The following GLIS3 variants were observed in gnomAD, a reference collection of about 807,000 sequenced individuals.
GLIS3 encodes the protein zinc finger protein GLIS3.
GLIS3 carries 53 observed loss-of-function variants against 78.6 expected under a neutral mutation model. That is an observed-to-expected ratio of 0.67 (90% CI 0.54 to 0.85). The LOEUF (loss-of-function observed/expected upper bound fraction) is 0.85. Among genes scored for constraint, GLIS3 ranks in the 40% least tolerant of loss-of-function variants. The pLI, the probability that GLIS3 is intolerant of heterozygous loss-of-function variation, is 0.00. For missense variants in GLIS3, 1,703 were observed against 1,231.1 expected, an observed-to-expected ratio of 1.38 and a Z score of -5.74; for synonymous variants, 684 against 509.9, an observed-to-expected ratio of 1.34 and a Z score of -4.60.
intron 2 of GLIS3, among the ~76,000 whole-genome samples, chr9:4,180,097 T>C (rs1326492877): frequency 6.6e-6 from 1 of 152,070 alleles, no homozygotes; most frequent in South Asian, 2.1e-4. Context: ...TGGTTACCTA[T>C]GTCAAGGCTG....
chr9:4,333,352 A>AGGAAGGAAGGAAAAAG (rs1196190372), intron 2 of GLIS3, among the ~76,000 whole-genome samples: 1 of 151,988 alleles, frequency 6.6e-6, no homozygotes, highest in Non-Finnish European at 1.5e-5. Flanking sequence ...AAAAAAGGGA[A>AGGAAGGAAGGAAAAAG]GGAAGGAAGG....
At chr9:4,314,406 C>T (rs139360227) in intron 2 of GLIS3, among the ~76,000 whole-genome samples, 32 of 152,250 alleles carry the variant, frequency 2.1e-4, no homozygotes, top group African/African-American at 7.2e-4. Flanking sequence ...TTCCCCACTC[C>T]ATGCAAAAAA....
intron 9 of GLIS3, among the ~76,000 whole-genome samples, chr9:3,849,459 G>A (rs1206785291): frequency 6.6e-6 from 1 of 152,164 alleles, no homozygotes; most frequent in African/African-American, 2.4e-5. Flanking sequence ...CTGAAACTGG[G>A]ACAAGATGTG....
chr9:4,239,750 A>T (rs1823116194), intron 2 of GLIS3, among the ~76,000 whole-genome samples: 1 of 152,228 alleles, frequency 6.6e-6, no homozygotes, highest in Non-Finnish European at 1.5e-5. Context: ...ATTTAAAAAG[A>T]CCAACAGCTG....
intron 2 of GLIS3, among the ~76,000 whole-genome samples, chr9:4,251,437 T>C (rs949629231): frequency 2.0e-5 from 3 of 151,694 alleles, no homozygotes; most frequent in African/African-American, 7.3e-5. Context: ...ATCTTTTTTT[T>C]TTTTTTTTGC....
chr9:4,180,220 G>A (rs1427360059), intron 2 of GLIS3, among the ~76,000 whole-genome samples: 2 of 152,084 alleles, frequency 1.3e-5, no homozygotes, highest in Non-Finnish European at 2.9e-5. Context: ...AGAGACTTGG[G>A]AACAAAGAGT....
At chr9:4,281,907 C>T (rs1357709358) in intron 2 of GLIS3, among the ~76,000 whole-genome samples, 1 of 152,160 alleles carries the variant, frequency 6.6e-6, no homozygotes, top group Non-Finnish European at 1.5e-5. Flanking sequence ...CCCTGTGACT[C>T]CCAAAGTTCA....
chr9:4,461,856 T>C, the GLIS3 span, among the ~76,000 whole-genome samples: 5 of 152,318 alleles, frequency 3.3e-5, no homozygotes, highest in Non-Finnish European at 5.9e-5. Context: ...AAGTTTGTTG[T>C]CGTCAAGCTC....
At chr9:4,462,834 T>C in the GLIS3 span, among the ~76,000 whole-genome samples, 3 of 152,174 alleles carry the variant, frequency 2.0e-5, no homozygotes, top group Non-Finnish European at 4.4e-5. Context: ...GAAGAAAAAG[T>C]CTGGTCCTTC....
At chr9:4,200,868 G>A (rs1475356167) in intron 2 of GLIS3, among the ~76,000 whole-genome samples, 1 of 151,944 alleles carries the variant, frequency 6.6e-6, no homozygotes, top group Non-Finnish European at 1.5e-5. Context: ...ACCAAAACCT[G>A]GAAAAAACAC....
chr9:3,876,074 C>T (rs1471510937), intron 8 of GLIS3, among the ~76,000 whole-genome samples: 1 of 152,116 alleles, frequency 6.6e-6, no homozygotes, highest in East Asian at 1.9e-4. Flanking sequence ...CCTAATTCCC[C>T]ATAAGGTGCA....
chr9:4,365,239 A>C, the GLIS3 span, among the ~76,000 whole-genome samples: 2 of 152,218 alleles, frequency 1.3e-5, no homozygotes, highest in African/African-American at 4.8e-5. Flanking sequence ...GCATGGCGTA[A>C]GATATGAGAA....
intron 2 of GLIS3, among the ~76,000 whole-genome samples, chr9:4,251,056 G>A (rs1230336816): frequency 6.6e-6 from 1 of 152,212 alleles, no homozygotes; most frequent in Non-Finnish European, 1.5e-5. Flanking sequence ...TAAATGTGAT[G>A]TGGTGCTGAG....
intron 4 of GLIS3, among the ~76,000 whole-genome samples, chr9:4,072,521 GTTTC>G (rs1827701158): frequency 1.3e-5 from 2 of 152,056 alleles, no homozygotes; most frequent in Non-Finnish European, 1.5e-5. Context: ...TGAGGTGGGT[GTTTC>G]TTTAAAACTT....
chr9:4,389,057 C>G, the GLIS3 span, among the ~76,000 whole-genome samples: 1 of 152,198 alleles, frequency 6.6e-6, no homozygotes. Flanking sequence ...GGTGCCACAG[C>G]CTCCGTAAGC....
At position 3,856,062 on chromosome 9, in the gene GLIS3, G is replaced by T; in HGVS notation, c.2420C>A (p.Ser807Tyr). Residue 807 changes from serine to tyrosine, a missense_variant, in exon 9 of 11, where the codon TCC becomes TAC. Physicochemically the swap from Ser to Tyr is moderately radical, Grantham distance 144 (BLOSUM62 -2). Transcript: ENST00000381971. The stretch of plus-strand genomic sequence containing the variant: ...AGAAGAGTTTGTTTCTGGCTGATAG[G>T]ACTTCAGGTGTGAACCTGATGGCTG... ...TQQPSGSHLK[S>Y]YQPETNSSFQ... 6.2e-7 allele frequency: 1 copy of T among 1,614,194 alleles called. No homozygotes were observed. Among genetic ancestry groups the T allele is most frequent in the Non-Finnish European group, 8.5e-7 (1 of 1,180,018 alleles).
At chr9:4,297,674 C>A (rs919664739) in intron 1 of GLIS3, among the ~76,000 whole-genome samples, 28 of 152,178 alleles carry the variant, frequency 1.8e-4, no homozygotes, top group African/African-American at 6.8e-4. Flanking sequence ...GGAAGCACCT[C>A]CCTACCCCTT....
chr9:4,005,587 C>T (rs929665188), intron 4 of GLIS3, among the ~76,000 whole-genome samples: 5 of 152,122 alleles, frequency 3.3e-5, no homozygotes, highest in African/African-American at 1.2e-4. Context: ...AGAATAGCAC[C>T]TACTGCATAG....
At chr9:4,113,161 G>A (rs866636469) in intron 4 of GLIS3, among the ~76,000 whole-genome samples, 1 of 151,762 alleles carries the variant, frequency 6.6e-6, no homozygotes, top group African/African-American at 2.4e-5. Context: ...CATGTTAATA[G>A]ATATATATGT....
Sources: allele counts gnomAD v4.1 joint callset (sites outside exome capture counted in the v4.1 genomes callset), GRCh38; gene constraint gnomAD v4.1.1; transcripts MANE v1.5; gene names NCBI Gene and HGNC (gene_info 2026-07-23, HGNC 2026-07-21).